MCF2L: variants seen among roughly 807,000 people sequenced by gnomAD.
MCF2L encodes guanine nucleotide exchange factor DBS.
A neutral mutation model predicts 153.4 loss-of-function variants in MCF2L; 97 were observed. That is an observed-to-expected ratio of 0.63 (90% CI 0.54 to 0.75). The LOEUF (loss-of-function observed/expected upper bound fraction) is 0.75, where lower values mean the gene tolerates loss of function less well. MCF2L is among the 30% of genes least tolerant of loss of function. The pLI is 0.00. For synonymous variants in MCF2L, 659 were observed against 632.2 expected (o/e 1.04, Z -0.64); for missense variants, 1,347 against 1,495.2 (o/e 0.90, Z 1.64).
intron 1 of MCF2L, chr13:113,009,612 G>A (rs2083946982): frequency 6.6e-6 from 1 of 152,164 alleles, no homozygotes; most frequent in East Asian, 1.9e-4. Context: ...TCAGGAGCTT[G>A]TCTGGAGGGG....
At chr13:113,018,215 G>A (rs2084656348) in intron 2 of MCF2L, among the ~76,000 whole-genome samples, 3 of 152,226 alleles carry the variant, frequency 2.0e-5, no homozygotes, top group African/African-American at 4.8e-5. Flanking sequence ...AAGTCAGGAC[G>A]AGCTGCGGAA....
chr13:113,047,744 C>T lies in MCF2L; in HGVS notation c.369+2383C>T, dbSNP rs144015705. ...CACCTGCCACAGCCCGTCCCTCACA[C>T]GGCTCATGCCTCACTACATGTGCCC... On this transcript the variant is annotated intron_variant, in intron 4 of 29. Coordinates refer to ENST00000535094, the MANE Select transcript of MCF2L (RefSeq NM_001112732.3). Among the ~76,000 whole-genome samples, 314 of 152,388 alleles carry T rather than the reference C, an allele frequency of 2.1e-3. 1 individual carries two copies. Among genetic ancestry groups the T allele is most frequent in the African/African-American group, 7.1e-3 (295 of 41,592 alleles).
intron 9 of MCF2L, among the ~76,000 whole-genome samples, chr13:113,073,382 T>C (rs919299771): frequency 1.3e-5 from 2 of 152,168 alleles, no homozygotes; most frequent in African/African-American, 2.4e-5. Context: ...TGAGAGGTGG[T>C]GCATTATCCA....
chr13:113,045,568 G>A lies in MCF2L; in HGVS notation c.369+207G>A. The A allele has an allele frequency of 3.4e-6, 2 of 590,818 alleles. No homozygotes were observed. Among genetic ancestry groups the A allele is most frequent in the Non-Finnish European group, 6.1e-6 (2 of 329,566 alleles). 36.6% of individuals were successfully genotyped at this position (590,818 alleles called of 1,614,324 possible). ...CTGGGTGTGAGTTTTCCCAGATGAAGGAACTCTTAGGGAGCCCAATGTGAC... is the reference window on the plus strand; with the variant it reads ...CTGGGTGTGAGTTTTCCCAGATGAAAGAACTCTTAGGGAGCCCAATGTGAC... On this transcript the variant is annotated intron_variant, in intron 4 of 29. Transcript: ENST00000535094. This position sits in a 1 kb window ranked among gnomAD's most constrained non-coding sequence, Gnocchi z 4.2.
upstream of MCF2L, chr13:112,968,337 G>A (rs2140793166): frequency 7.8e-7 from 1 of 1,284,926 alleles, no homozygotes; most frequent in Non-Finnish European, 1.0e-6. Flanking sequence ...GGCGAGGAGA[G>A]CTCAGAGAGT....
chr13:113,041,273 C>G (rs531294174), intron 3 of MCF2L, among the ~76,000 whole-genome samples: 1 of 152,236 alleles, frequency 6.6e-6, no homozygotes, highest in South Asian at 2.1e-4. Context: ...CCCTCAGACA[C>G]AGGCCACAGA....
intron 26 of MCF2L, 84 bp downstream of exon 26, chr13:113,089,812 C>A: frequency 6.2e-7 from 1 of 1,600,910 alleles, no homozygotes; most frequent in Non-Finnish European, 8.6e-7. Flanking sequence ...GAGAAACCTG[C>A]GCTTCCTGCA....
chr13:112,969,182 C>T (rs1417003915), upstream of MCF2L: 2 of 767,886 alleles, frequency 2.6e-6, no homozygotes, highest in South Asian at 1.3e-4. The surrounding 1 kb of genome is among the most constrained non-coding windows in gnomAD (Gnocchi z 4.8). Flanking sequence ...CCCCGCCCCC[C>T]GCGGCGCAGC....
At position 112,933,075 on chromosome 13, in the gene MCF2L, A is replaced by G. The variant is rs147760176; in HGVS notation, c.169+30704A>G. Among the ~76,000 whole-genome samples the G allele has an allele frequency of 9.3e-4, 142 of 152,208 alleles. 4 individuals carry two copies. In the East Asian group the frequency reaches 0.026, roughly 28 times the overall value. Reference sequence around the variant, plus strand: ...ATAAATAAACATGAAGGAAGGAAGGAGAAAAGAAAGAAACGAACTTAACCA... The same window carrying G: ...ATAAATAAACATGAAGGAAGGAAGGGGAAAAGAAAGAAACGAACTTAACCA... On this transcript the variant is annotated intron_variant, in intron 2 of 29. Transcript: ENST00000375608.
chr13:113,036,753 C>T (rs2086181644), intron 3 of MCF2L, among the ~76,000 whole-genome samples: 1 of 152,260 alleles, frequency 6.6e-6, no homozygotes, highest in Non-Finnish European at 1.5e-5. Context: ...TGCCTCCTGG[C>T]TGCTGCCAGT....
At chr13:113,063,500 G>A (rs12584809) in intron 5 of MCF2L, among the ~76,000 whole-genome samples, 1 of 125,086 alleles carries the variant, frequency 8.0e-6, no homozygotes, top group African/African-American at 2.8e-5. Context: ...CCACACAGCT[G>A]CCCACAGCGT....
intron 1 of MCF2L, among the ~76,000 whole-genome samples, chr13:113,005,681 G>A (rs902334445): frequency 1.3e-5 from 2 of 152,146 alleles, no homozygotes; most frequent in Admixed American, 6.5e-5. Context: ...GGTGACTGTG[G>A]TTAACGCTGT....
At chr13:112,937,421 A>C (rs1648955005) in intron 2 of MCF2L, among the ~76,000 whole-genome samples, 1 of 152,226 alleles carries the variant, frequency 6.6e-6, no homozygotes, top group South Asian at 2.1e-4. Flanking sequence ...TTCTTAATAT[A>C]TTGTTTATAA....
intron 2 of MCF2L, chr13:112,957,441 C>G (rs1645638405): frequency 6.6e-6 from 1 of 151,668 alleles, no homozygotes; most frequent in Non-Finnish European, 1.5e-5. Context: ...TCTTACTGCC[C>G]TAGTTTAATC....
chr13:112,996,766 C>A (rs1338342626), intron 1 of MCF2L, among the ~76,000 whole-genome samples: 7 of 152,190 alleles, frequency 4.6e-5, no homozygotes, highest in African/African-American at 1.7e-4. Context: ...GACCTGGTGC[C>A]GCCCCTCCTC....
chr13:112,934,621 C>G lies in MCF2L; in HGVS notation c.169+32250C>G, dbSNP rs2081496993. On this transcript the variant is annotated intron_variant, in intron 2 of 29. Coordinates refer to the MCF2L transcript ENST00000375608. ...CTTTGAGAACCACTGGTTGGGACCT[C>G]AAGTCTGTCTCTGGCTGTGCTGCCC... Among the ~76,000 whole-genome samples the G allele has an allele frequency of 6.0e-5, 7 of 116,276 alleles. No individual in the cohort carries two copies. In the South Asian group the frequency reaches 2.0e-3, roughly 32 times the overall value. 76.3% of individuals were successfully genotyped at this position (116,276 alleles called of 152,430 possible).
At chr13:112,928,169 T>G (rs1366717282) in intron 2 of MCF2L, among the ~76,000 whole-genome samples, 1 of 152,248 alleles carries the variant, frequency 6.6e-6, no homozygotes, top group Non-Finnish European at 1.5e-5. Context: ...GGGTTTGCCT[T>G]GGATTGATGG....
chr13:113,070,025 G>A lies in MCF2L; in HGVS notation c.882-34G>A, dbSNP rs779290581. ...CTCCACGTTGCATGGGGCGCCGTGG[G>A]CCACACAGACGGTCAACTCCTCCTC... On this transcript the variant is annotated intron_variant, in intron 8 of 29. Coordinates refer to ENST00000535094, the MANE Select transcript of MCF2L (RefSeq NM_001112732.3). This position sits in a 1 kb window ranked among gnomAD's most constrained non-coding sequence, Gnocchi z 5.6. The A allele has an allele frequency of 2.2e-5, 34 of 1,523,940 alleles. No homozygotes were observed. The highest frequency in any genetic ancestry group is 3.4e-5 in the South Asian group (3 of 87,678). 94.4% of individuals were successfully genotyped at this position (1,523,940 alleles called of 1,614,324 possible).
chr13:113,067,233 G>A (rs547524392), intron 8 of MCF2L, among the ~76,000 whole-genome samples: 2,533 of 151,246 alleles, frequency 0.017, 11 homozygotes, highest in Middle Eastern at 0.027. Context: ...GCAGTGAGCC[G>A]AGATTGCACC....
Sources: allele counts gnomAD v4.1 joint callset (sites outside exome capture counted in the v4.1 genomes callset), GRCh38; gene constraint gnomAD v4.1.1; non-coding constraint Gnocchi (gnomAD v3.1); transcripts MANE v1.5; gene names NCBI Gene and HGNC (gene_info 2026-07-23, HGNC 2026-07-21).